The following MAGI2 variants were observed in gnomAD, a reference collection of about 807,000 sequenced individuals.
The protein encoded by MAGI2 is membrane-associated guanylate kinase, WW and PDZ domain-containing protein 2.
Under a neutral mutation model 133.3 loss-of-function variants are expected in MAGI2, and 35 were observed. The observed-to-expected ratio is 0.26, with a 90% CI of 0.20 to 0.35. The LOEUF (loss-of-function observed/expected upper bound fraction) is 0.35, where lower values mean the gene tolerates loss of function less well. MAGI2 is among the 10% of genes least tolerant of loss of function. The pLI is 1.00. For synonymous variants in MAGI2, 729 were observed against 710.6 expected (o/e 1.03, Z -0.41); for missense variants, 1,636 against 1,863.4 (o/e 0.88, Z 2.25).
chr7:79,259,216 C>CT (rs1833908890), intron 1 of MAGI2, among the ~76,000 whole-genome samples: 1 of 152,122 alleles, frequency 6.6e-6, no homozygotes, highest in Admixed American at 6.6e-5. Flanking sequence ...ACTTCTGTCC[C>CT]TTAGAGTAAA....
intron 7 of MAGI2, chr7:78,352,988 C>G (rs714438): frequency 6.6e-6 from 1 of 151,982 alleles, no homozygotes; most frequent in Non-Finnish European, 1.5e-5. Flanking sequence ...ATAGATTCAA[C>G]TTCAAAAAAT....
intron 1 of MAGI2, among the ~76,000 whole-genome samples, chr7:79,318,176 T>C (rs1838889508): frequency 6.6e-6 from 1 of 152,254 alleles, no homozygotes; most frequent in Non-Finnish European, 1.5e-5. Flanking sequence ...CTCCAGACCT[T>C]TGACATAAAA....
chr7:79,105,797 T>C (rs1212242971), intron 1 of MAGI2, among the ~76,000 whole-genome samples: 1 of 152,188 alleles, frequency 6.6e-6, no homozygotes, highest in Non-Finnish European at 1.5e-5. Flanking sequence ...TCTCTAAGTC[T>C]AGTTCTTATC....
intron 20 of MAGI2, among the ~76,000 whole-genome samples, chr7:78,087,657 CT>C (rs949746587): frequency 3.5e-4 from 53 of 152,252 alleles, no homozygotes; most frequent in African/African-American, 1.3e-3. Flanking sequence ...AACAACTCTT[CT>C]TTTTGATAAG....
At chr7:78,911,193 G>A (rs966044433) in intron 2 of MAGI2, among the ~76,000 whole-genome samples, 1 of 152,110 alleles carries the variant, frequency 6.6e-6, no homozygotes, top group African/African-American at 2.4e-5. Flanking sequence ...AGTGGAATAA[G>A]CCCTAAATTT....
At chr7:79,339,009 TC>T (rs1208906472) in intron 1 of MAGI2, among the ~76,000 whole-genome samples, 2 of 152,166 alleles carry the variant, frequency 1.3e-5, no homozygotes, top group Admixed American at 1.3e-4. Context: ...CTTATAATCT[TC>T]AACTTGGCGG....
At chr7:78,036,522 T>C (rs535560191) in intron 21 of MAGI2, among the ~76,000 whole-genome samples, 2 of 152,354 alleles carry the variant, frequency 1.3e-5, no homozygotes, top group South Asian at 2.1e-4. Context: ...AAGAAGTAGA[T>C]ACTGCTGCTG....
intron 2 of MAGI2, among the ~76,000 whole-genome samples, chr7:78,884,688 A>G (rs1397796508): frequency 2.0e-5 from 3 of 152,158 alleles, no homozygotes; most frequent in African/African-American, 7.2e-5. Flanking sequence ...TGGCAAGGCC[A>G]TGGAGAAAAG....
At chr7:79,144,273 T>C (rs2129546430) in intron 1 of MAGI2, among the ~76,000 whole-genome samples, 1 of 152,314 alleles carries the variant, frequency 6.6e-6, no homozygotes, top group Non-Finnish European at 1.5e-5. Context: ...GGTTTGGATT[T>C]GTGTCTCCAA....
intron 21 of MAGI2, among the ~76,000 whole-genome samples, chr7:78,077,725 G>GT (rs538030969): frequency 0.12 from 12,247 of 100,946 alleles, 1,279 homozygotes; most frequent in Non-Finnish European, 0.17. Context: ...TCTTTAGAAT[G>GT]TTTTTTTTTT....
rs548611824 is a variant in MAGI2, at chr7:78,759,003, C to T, written c.419-131764G>A. Among the ~76,000 whole-genome samples, 11 of 152,186 alleles carry T rather than the reference C, an allele frequency of 7.2e-5. No homozygotes were observed. In the East Asian group the frequency reaches 7.7e-4, roughly 11 times the overall value. ...CTAAATATATCTTTATCTTCAGCATCGAACCAAAATCTGGCACATAGTAGA... is the reference window on the plus strand; with the variant it reads ...CTAAATATATCTTTATCTTCAGCATTGAACCAAAATCTGGCACATAGTAGA... On this transcript the variant is annotated intron_variant, in intron 2 of 21. Transcript: ENST00000354212.
chr7:78,872,708 C>T (rs559377057), intron 2 of MAGI2, among the ~76,000 whole-genome samples: 1 of 151,912 alleles, frequency 6.6e-6, no homozygotes, highest in South Asian at 2.1e-4. Context: ...TGCTGCAAGA[C>T]ATCTACCTAC....
chr7:79,426,039 A>C (rs1033376837), intron 1 of MAGI2, among the ~76,000 whole-genome samples: 3 of 152,200 alleles, frequency 2.0e-5, no homozygotes, highest in Admixed American at 6.5e-5. Context: ...GGTCTTCGAA[A>C]CATTATACGT....
chr7:79,187,032 CTT>C (rs1460217473), intron 1 of MAGI2, among the ~76,000 whole-genome samples: 7 of 151,054 alleles, frequency 4.6e-5, no homozygotes, highest in Admixed American at 3.3e-4. Flanking sequence ...TCAAATGAAA[CTT>C]AAGTATTTGG....
intron 2 of MAGI2, among the ~76,000 whole-genome samples, chr7:78,692,874 TA>T (rs1817115295): frequency 6.6e-6 from 1 of 152,198 alleles, no homozygotes; most frequent in South Asian, 2.1e-4. Context: ...GGTTACAATT[TA>T]AAAGCCTCCC....
chr7:79,238,141 T>C (rs1048228842), intron 1 of MAGI2, among the ~76,000 whole-genome samples: 4 of 152,212 alleles, frequency 2.6e-5, no homozygotes, highest in Non-Finnish European at 4.4e-5. Flanking sequence ...AATTTGCTTT[T>C]CTTATTTTTA....
At chr7:78,907,449 G>A (rs756501714) in intron 2 of MAGI2, among the ~76,000 whole-genome samples, 2 of 152,098 alleles carry the variant, frequency 1.3e-5, no homozygotes, top group African/African-American at 4.8e-5. Context: ...TAAAATCTGG[G>A]TGGTGAATCT....
intron 2 of MAGI2, among the ~76,000 whole-genome samples, chr7:78,965,548 T>TA (rs1258328317): frequency 6.6e-6 from 1 of 151,366 alleles, no homozygotes; most frequent in Non-Finnish European, 1.5e-5. Context: ...AGCCTAGAGA[T>TA]TTTTTTTTCA....
At chr7:78,187,245 T>C (rs1165414941) in intron 12 of MAGI2, among the ~76,000 whole-genome samples, 1 of 152,164 alleles carries the variant, frequency 6.6e-6, no homozygotes, top group African/African-American at 2.4e-5. Flanking sequence ...GGCTTCAATA[T>C]GTAAATTAGT....
Sources: allele counts gnomAD v4.1 joint callset (sites outside exome capture counted in the v4.1 genomes callset), GRCh38; gene constraint gnomAD v4.1.1; transcripts MANE v1.5; gene names NCBI Gene and HGNC (gene_info 2026-07-23, HGNC 2026-07-21).